Variants in MON2 observed in about 807,000 individuals in gnomAD.
The protein encoded by MON2 is MON2 regulator of endosome-to-Golgi trafficking.
In MON2, 84 loss-of-function variants were observed where a neutral mutation model predicts 208.6. The ratio of observed to expected loss-of-function variants is 0.40; its 90% CI spans 0.34 to 0.48. MON2 has a LOEUF of 0.48. Ranked by LOEUF, MON2 falls within the 20% of genes least tolerant of loss-of-function variation. MON2 has a pLI of 0.59. For missense variants in MON2, 1,611 were observed against 2,015.4 expected, an observed-to-expected ratio of 0.80 and a Z score of 3.84; for synonymous variants, 660 against 694.0, an observed-to-expected ratio of 0.95 and a Z score of 0.77.
chr12:62,535,561 T>G lies in MON2; in HGVS notation c.1752T>G (p.Ala584=), dbSNP rs1183722137. ...DEAATENILK[A]ELTMAALCGR... ...CTGCCACTGAGAATATTTTAAAAGC[T>G]GAACTGACTATGGCTGCTCTTTGTG... is the stretch of plus-strand genomic sequence containing the variant. The change falls in exon 14 of 35, where the codon GCT becomes GCG. Residue 584 remains alanine, a synonymous_variant. Coordinates refer to ENST00000393630, the MANE Select transcript of MON2 (RefSeq NM_015026.3). The G allele has an allele frequency of 6.2e-7, 1 of 1,611,812 alleles. No individual in the cohort carries two copies. Among genetic ancestry groups the G allele is most frequent in the Non-Finnish European group, 8.5e-7 (1 of 1,179,286 alleles).
chr12:62,515,947 A>T (rs930424867), intron 8 of MON2, among the ~76,000 whole-genome samples: 2 of 152,170 alleles, frequency 1.3e-5, no homozygotes, highest in African/African-American at 2.4e-5. Context: ...ATTTTTTAAT[A>T]TTGAAAAGAT....
chr12:62,503,626 T>C (rs1043546438), intron 7 of MON2, among the ~76,000 whole-genome samples: 2 of 152,350 alleles, frequency 1.3e-5, no homozygotes, highest in African/African-American at 4.8e-5. Flanking sequence ...TGTGGAACTT[T>C]TCATGGTTTA....
intron 1 of MON2, among the ~76,000 whole-genome samples, chr12:62,476,850 C>T (rs1288853185): frequency 1.3e-5 from 2 of 152,098 alleles, no homozygotes; most frequent in Non-Finnish European, 2.9e-5. Flanking sequence ...TCGTGAAAAA[C>T]ATTTGTTATT....
At chr12:62,550,834 G>A (rs1376093145) in intron 23 of MON2, among the ~76,000 whole-genome samples, 1 of 151,568 alleles carries the variant, frequency 6.6e-6, no homozygotes, top group Non-Finnish European at 1.5e-5. Flanking sequence ...TCTTGTAGCT[G>A]GTTTGACCTT....
chr12:62,560,977 T>C lies in MON2; in HGVS notation c.3896T>C (p.Leu1299Ser). The stretch of plus-strand genomic sequence containing the variant: ...TTCAATATGGATGACTTGCAAAAGT[T>C]GGGAGTCATATTGCACAGTGCTATT... ...TGFNMDDLQKLGVILHSAISV... is the reference protein window; with the variant it reads ...TGFNMDDLQKSGVILHSAISV... Residue 1299 changes from leucine to serine, a missense_variant, in exon 26 of 35, where the codon TTG (leucine) becomes TCG (serine). Leu to Ser is a moderately radical substitution (Grantham distance 145, BLOSUM62 -2). Transcript: ENST00000393630. 2 of 1,614,038 alleles carry C rather than the reference T, an allele frequency of 1.2e-6. No individual in the cohort carries two copies. The highest frequency in any genetic ancestry group is 1.7e-6 in the Non-Finnish European group (2 of 1,179,918).
Position 62,546,903 on chromosome 12 carries a change from C to A in MON2, c.2584C>A (p.Gln862Lys). 6.2e-7 allele frequency: 1 copy of A among 1,600,022 alleles called. No homozygotes were observed. Among genetic ancestry groups the A allele is most frequent in the Non-Finnish European group, 8.5e-7 (1 of 1,172,482 alleles). Reference sequence around the variant, plus strand: ...TTTCTTGCCCCCTTTTCAGAGGCTGCAGTTGCTTTTATTGAACCCGTTAAA... The same window carrying A: ...TTTCTTGCCCCCTTTTCAGAGGCTGAAGTTGCTTTTATTGAACCCGTTAAA... ...DPPLSQNQRL[Q>K]LLLLNPLKEM... The change falls in exon 22 of 35, where the codon CAG (glutamine) becomes AAG (lysine). Residue 862 changes from glutamine (Q) to lysine (K), a missense_variant. Physicochemically the swap from Gln to Lys is moderately conservative, Grantham distance 53. Transcript: ENST00000393630.
chr12:62,534,542 A>AAAAAAAAAATATATATATATATAT (rs1555169522), intron 12 of MON2, among the ~76,000 whole-genome samples: 2 of 22,850 alleles, frequency 8.8e-5, no homozygotes, highest in South Asian at 1.3e-3. Context: ...AAAAAAAAAA[A>AAAAAAAAAATATATATATATATAT]ATATATATAT....
At chr12:62,522,013 C>T (rs1331862611) in intron 8 of MON2, among the ~76,000 whole-genome samples, 1 of 151,960 alleles carries the variant, frequency 6.6e-6, no homozygotes, top group African/African-American at 2.4e-5. Flanking sequence ...ACCAACATGG[C>T]GAAACCCCAT....
chr12:62,487,742 A>C (rs2069883611), intron 2 of MON2, among the ~76,000 whole-genome samples: 1 of 152,098 alleles, frequency 6.6e-6, no homozygotes. Context: ...CATCTATAGA[A>C]TATATCATGC....
intron 19 of MON2, among the ~76,000 whole-genome samples, chr12:62,538,746 A>C (rs2073097944): frequency 1.3e-5 from 2 of 152,214 alleles, no homozygotes; most frequent in South Asian, 4.1e-4. Flanking sequence ...TATATACTGA[A>C]CATTTTAAAA....
At chr12:62,493,814 AT>A (rs556363882) in intron 2 of MON2, 100 bp from the exon 3 acceptor site, 146 of 900,350 alleles carry the variant, frequency 1.6e-4, no homozygotes, top group East Asian at 1.0e-3. Flanking sequence ...CGTAAAGTGG[AT>A]TTTTTTTGAG....
intron 30 of MON2, among the ~76,000 whole-genome samples, chr12:62,571,934 C>T (rs973250588): frequency 6.6e-6 from 1 of 152,148 alleles, no homozygotes; most frequent in Non-Finnish European, 1.5e-5. Context: ...AGTGTATTAC[C>T]AGAATAAATA....
chr12:62,556,527 T>C (rs911106789), intron 25 of MON2, among the ~76,000 whole-genome samples: 1 of 152,160 alleles, frequency 6.6e-6, no homozygotes, highest in African/African-American at 2.4e-5. Flanking sequence ...AGATGGACTT[T>C]CCTGAGAAAG....
Position 62,598,580 on chromosome 12 carries a change from C to T in MON2, c.*5831C>T, listed in dbSNP as rs1239768065. On this transcript the variant is annotated 3_prime_UTR_variant, in exon 35 of 35. Coordinates refer to ENST00000393630, the MANE Select transcript of MON2 (RefSeq NM_015026.3). The stretch of plus-strand genomic sequence containing the variant: ...TAATTTAACACGTAACATACAACTC[C>T]TGTCTCTTAAGGCAGCTACCATATG... 1 of 152,176 alleles carries T rather than the reference C, an allele frequency of 6.6e-6. No individual in the cohort carries two copies. Among genetic ancestry groups the T allele is most frequent in the Non-Finnish European group, 1.5e-5 (1 of 68,020 alleles). The allele number at this position is 152,176 out of a possible 1,614,324, so 9.4% of individuals were successfully genotyped here.
chr12:62,546,718 C>T (rs553634360), intron 21 of MON2, among the ~76,000 whole-genome samples, 179 bp from the exon 22 acceptor site: 2 of 152,248 alleles, frequency 1.3e-5, no homozygotes, highest in Admixed American at 1.3e-4. Flanking sequence ...TGTGCCACTG[C>T]ACTCCTGCCT....
intron 8 of MON2, 60 bp from the exon 9 acceptor site, chr12:62,524,455 A>C (rs2072231097): frequency 7.3e-7 from 1 of 1,372,094 alleles, no homozygotes; most frequent in Non-Finnish European, 1.0e-6. Context: ...GAATAAGAAC[A>C]CAGTCTATAA....
At chr12:62,510,699 A>C (rs2071349690) in intron 8 of MON2, among the ~76,000 whole-genome samples, 1 of 152,184 alleles carries the variant, frequency 6.6e-6, no homozygotes, top group Non-Finnish European at 1.5e-5. Context: ...CTTGATAGTG[A>C]AAACCTGAAA....
rs761811886 is a variant in MON2, at chr12:62,532,577, T to A, written c.1540T>A (p.Cys514Ser). The change falls in exon 12 of 35, where the codon TGT becomes AGT. Residue 514 changes from cysteine (C) to serine (S), a missense_variant. Cys to Ser is a moderately radical substitution (Grantham distance 112). Coordinates refer to ENST00000393630, the MANE Select transcript of MON2 (RefSeq NM_015026.3). ...EGELGELETE[C>S]QTTTEEGSSP... Reference sequence around the variant, plus strand: ...AGAGCTAGGAGAGCTTGAAACAGAATGTCAAACCACCACTGAAGAAGGTTC... The same window carrying A: ...AGAGCTAGGAGAGCTTGAAACAGAAAGTCAAACCACCACTGAAGAAGGTTC... 2 of 1,614,132 alleles carry A rather than the reference T, an allele frequency of 1.2e-6. No individual in the cohort carries two copies. The highest frequency in any genetic ancestry group is 1.7e-6 in the Non-Finnish European group (2 of 1,180,006).
At position 62,596,980 on chromosome 12, in the gene MON2, G is replaced by T. The variant is rs535085566; in HGVS notation, c.*4231G>T. ...ACTAATTCTGAGGCAATGATGGACAGAGATGCTACTTCTTATTTAACTCTA... is the reference window on the plus strand; with the variant it reads ...ACTAATTCTGAGGCAATGATGGACATAGATGCTACTTCTTATTTAACTCTA... On this transcript the variant is annotated 3_prime_UTR_variant, in exon 35 of 35. Transcript: ENST00000393630. 1.3e-5 allele frequency: 2 copies of T among 152,210 alleles called. No homozygotes were observed. The highest frequency in any genetic ancestry group is 2.9e-5 in the Non-Finnish European group (2 of 68,024). The allele number at this position is 152,210 out of a possible 1,614,324, so 9.4% of individuals were successfully genotyped here.
Sources: gnomAD v4.1 joint callset for allele counts (sites outside exome capture counted in the v4.1 genomes callset) on GRCh38, gnomAD v4.1.1 for gene constraint, MANE v1.5 for transcripts, NCBI Gene and HGNC (gene_info 2026-07-23, HGNC 2026-07-21) for gene names.